Variants in F5 observed in about 807,000 individuals in gnomAD.
The protein encoded by F5 is coagulation factor V.
A neutral mutation model predicts 216.4 loss-of-function variants in F5; 138 were observed. The observed-to-expected ratio is 0.64, with a 90% CI of 0.56 to 0.73. The LOEUF is 0.73. Ranked by LOEUF, F5 falls within the 30% of genes least tolerant of loss-of-function variation. The pLI, the probability that F5 is intolerant of heterozygous loss-of-function variation, is 0.00. For synonymous variants in F5, 916 were observed against 930.7 expected (o/e 0.98, Z 0.29); for missense variants, 2,403 against 2,674.0 (o/e 0.90, Z 2.24).
At chr1:169,569,846 G>A (rs961842143) in intron 3 of F5, among the ~76,000 whole-genome samples, 6 of 151,960 alleles carry the variant, frequency 3.9e-5, no homozygotes, top group African/African-American at 9.7e-5. Flanking sequence ...AGAGGAATCT[G>A]GATTCTCATG....
Position 169,529,532 on chromosome 1 carries a change from G to A in F5, c.5419+76C>T, listed in dbSNP as rs763002615. ...AGAAGCATCTCATGTCTAATCTTGT[G>A]AATATCTAAGGGCAGAAATCACTGT... is the stretch of plus-strand genomic sequence containing the variant. On this transcript the variant is annotated intron_variant, in intron 16 of 24. Transcript: ENST00000367797. 1.8e-4 allele frequency: 240 copies of A among 1,339,674 alleles called. 1 individual carries two copies. The highest frequency in any genetic ancestry group is 2.5e-4 in the Non-Finnish European group (233 of 935,942). The allele number at this position is 1,339,674 out of a possible 1,614,324, so 83.0% of individuals were successfully genotyped here.
At chr1:169,537,084 G>T (rs1659721393) in intron 13 of F5, among the ~76,000 whole-genome samples, 1 of 152,062 alleles carries the variant, frequency 6.6e-6, no homozygotes, top group Non-Finnish European at 1.5e-5. Context: ...GTGCCATGAG[G>T]TCAGCCATTG....
intron 16 of F5, 134 bp downstream of exon 16, chr1:169,529,474 G>C (rs1571565125): frequency 1.2e-6 from 1 of 811,416 alleles, no homozygotes; most frequent in Non-Finnish European, 2.0e-6. Context: ...GGAATGTTAA[G>C]GAACCGGTTT....
At chr1:169,582,303 G>C in intron 2 of F5, 128 bp downstream of exon 2, 1 of 530,516 alleles carries the variant, frequency 1.9e-6, no homozygotes. Flanking sequence ...TATGTAGCCA[G>C]TACTTCTTAA....
intron 19 of F5, among the ~76,000 whole-genome samples, 175 bp downstream of exon 19, chr1:169,524,662 G>A (rs180787620): frequency 1.3e-5 from 2 of 152,252 alleles, no homozygotes; most frequent in African/African-American, 4.8e-5. Flanking sequence ...CTACCATAGT[G>A]TTCCTTCCTT....
At chr1:169,514,522 G>GT (rs370260358) in intron 24 of F5, 63 bp from the exon 25 acceptor site, 2,441 of 1,451,176 alleles carry the variant, frequency 1.7e-3, no homozygotes, top group Non-Finnish European at 2.0e-3. Context: ...TTTTGTTTTT[G>GT]TTTTTTTTTA....
chr1:169,531,050 A>G lies in F5; in HGVS notation c.4972-28T>C, dbSNP rs1400801586. 4 of 1,556,844 alleles carry G rather than the reference A, an allele frequency of 2.6e-6. No homozygotes were observed. In the African/African-American group the frequency reaches 5.4e-5, roughly 21 times the overall value. On this transcript the variant is annotated intron_variant, in intron 14 of 24. Coordinates refer to ENST00000367797, the MANE Select transcript of F5 (RefSeq NM_000130.5). The stretch of plus-strand genomic sequence containing the variant: ...AGGAAAAGGAATGATCCACAAATGT[A>G]CTTAAGCTTAACAAAAATCTAAACC...
rs1486346029 is a variant in F5, at chr1:169,540,391, T to C, written c.4699A>G (p.Ile1567Val). 1.2e-6 allele frequency: 2 copies of C among 1,614,056 alleles called. No homozygotes were observed. Among genetic ancestry groups the C allele is most frequent in the Non-Finnish European group, 1.7e-6 (2 of 1,179,942 alleles). Reference protein sequence around the residue: ...NINSSRDPDNIAAWYLRSNNG... With the variant: ...NINSSRDPDNVAAWYLRSNNG... ...TTGCTGCGGAGGTACCATGCTGCAA[T>C]GTTGTCAGGATCTCTGGAGGAGTTG... Residue 1567 changes from isoleucine to valine, a missense_variant, in exon 13 of 25, where the codon ATT becomes GTT. Ile to Val is a conservative substitution (Grantham distance 29). Around this residue, in one of 4 missense-constraint regions of F5, gnomAD observed 293 missense variants for 270.8 expected, o/e 1.08. Transcript: ENST00000367797.
intron 22 of F5, among the ~76,000 whole-genome samples, chr1:169,519,670 A>T (rs993214154): frequency 5.3e-5 from 8 of 152,006 alleles, no homozygotes; most frequent in African/African-American, 1.9e-4. Flanking sequence ...AAGTACTGCA[A>T]CTCCTGACAG....
chr1:169,584,211 A>T (rs1661049898), intron 1 of F5, among the ~76,000 whole-genome samples: 1 of 152,216 alleles, frequency 6.6e-6, no homozygotes. Flanking sequence ...TGTTTTTACT[A>T]TGTATGCTGT....
intron 13 of F5, among the ~76,000 whole-genome samples, chr1:169,537,057 T>C (rs1659720661): frequency 6.6e-6 from 1 of 152,122 alleles, no homozygotes; most frequent in South Asian, 2.1e-4. Flanking sequence ...TTAATATCTG[T>C]CTCTCACTGG....
rs753300938 is a variant in F5, at chr1:169,556,764, C to G, written c.834G>C (p.Gln278His). Residue 278 changes from glutamine to histidine, a missense_variant, in exon 6 of 25, where the codon CAG (glutamine) becomes CAC (histidine). By Grantham distance (24) the Gln-to-His change is conservative. Coordinates refer to ENST00000367797, the MANE Select transcript of F5 (RefSeq NM_000130.5). ...TGATGGCTGAGACCTTATGATGGTT[C>G]TGCTCCAGGACCTGGCCGTTGAAAT... ...SIHFNGQVLEQNHHKVSAITL... is the reference protein window; with the variant it reads ...SIHFNGQVLEHNHHKVSAITL... 25 of 1,613,978 alleles carry G rather than the reference C, an allele frequency of 1.5e-5. No homozygotes were observed. Among genetic ancestry groups the G allele is most frequent in the Non-Finnish European group, 2.0e-5 (24 of 1,180,024 alleles).
Position 169,546,576 on chromosome 1 carries a change from T to C in F5, c.1628A>G (p.Glu543Gly). ...RRGIQRAADI[E>G]QQAVFAVFDE... is the part of the protein sequence containing the mutation. ...AAACACAGCAAACACAGCCTGCTGT[T>C]CGATGTCTGCTGCCCTCTGGAGGAC... The change falls in exon 11 of 25, where the codon GAA becomes GGA. Residue 543 changes from glutamate to glycine, a missense_variant. By Grantham distance (98) the Glu-to-Gly change is moderately conservative (BLOSUM62 -2). Around this residue, in one of 4 missense-constraint regions of F5, gnomAD observed 1,425 missense variants for 1,554.8 expected, o/e 0.92. Transcript: ENST00000367797. The C allele has an allele frequency of 6.2e-7, 1 of 1,614,106 alleles. No individual in the cohort carries two copies. Among genetic ancestry groups the C allele is most frequent in the Non-Finnish European group, 8.5e-7 (1 of 1,179,952 alleles).
chr1:169,580,663 G>A (rs989023899), intron 2 of F5, among the ~76,000 whole-genome samples: 1 of 151,910 alleles, frequency 6.6e-6, no homozygotes, highest in African/African-American at 2.4e-5. Flanking sequence ...GAGCCACCAC[G>A]CCTGGCCTCA....
chr1:169,532,079 C>T (rs1465232250), intron 14 of F5, among the ~76,000 whole-genome samples: 1 of 151,972 alleles, frequency 6.6e-6, no homozygotes, highest in Non-Finnish European at 1.5e-5. Flanking sequence ...CCACATAAAC[C>T]GCATTAAAAA....
At chr1:169,522,781 A>G (rs1239088528) in intron 21 of F5, among the ~76,000 whole-genome samples, 1 of 152,180 alleles carries the variant, frequency 6.6e-6, no homozygotes, top group Non-Finnish European at 1.5e-5. Flanking sequence ...TACTAGCATT[A>G]ACACTACTAT....
At chr1:169,565,580 C>G (rs144262854) in intron 3 of F5, among the ~76,000 whole-genome samples, 2 of 152,080 alleles carry the variant, frequency 1.3e-5, no homozygotes, top group Non-Finnish European at 2.9e-5. Flanking sequence ...CATTAAACAT[C>G]CGGAGAAATT....
intron 11 of F5, 29 bp downstream of exon 11, chr1:169,546,411 ACT>A: frequency 6.2e-7 from 1 of 1,613,682 alleles, no homozygotes; most frequent in Non-Finnish European, 8.5e-7. Context: ...GGAATGAAAA[ACT>A]GATGAACAAA....
Position 169,536,557 on chromosome 1 carries a change from ATG to A in F5, c.4918_4919del (p.His1640SerfsTer11), listed in dbSNP as rs1557912520. ...KRDPRGEYEE[H>X]LGILGPIIRA... ...TGATAATAGGACCAAGAATTCCGAG[ATG>A]CTCTTCATACTCCCCTCGAGGATCA... On this transcript the variant is annotated frameshift_variant, in exon 14 of 25. Coordinates refer to ENST00000367797, the MANE Select transcript of F5 (RefSeq NM_000130.5). LOFTEE classifies it high-confidence loss of function. 1 of 1,613,674 alleles carries A rather than the reference ATG, an allele frequency of 6.2e-7. No homozygotes were observed.
Sources: allele counts gnomAD v4.1 joint callset (sites outside exome capture counted in the v4.1 genomes callset), GRCh38; gene constraint gnomAD v4.1.1; regional missense constraint gnomAD v4.1.1; transcripts MANE v1.5; gene names NCBI Gene and HGNC (gene_info 2026-07-23, HGNC 2026-07-21).